TSC2: variants seen among roughly 807,000 people sequenced by gnomAD.
TSC2 encodes tuberin.
TSC2 carries 29 observed loss-of-function variants against 202.2 expected under a neutral mutation model. That is an observed-to-expected ratio of 0.14 (90% CI 0.11 to 0.20). The LOEUF (loss-of-function observed/expected upper bound fraction) is 0.20. Ranked by LOEUF, TSC2 falls within the 10% of genes least tolerant of loss-of-function variation. The pLI, the probability that TSC2 is intolerant of heterozygous loss-of-function variation, is 1.00. For missense variants in TSC2, 2,429 were observed against 2,420.0 expected (o/e 1.00, Z -0.08); for synonymous variants, 1,349 against 1,044.0 (o/e 1.29, Z -5.63).
intron 29 of TSC2, 74 bp from the exon 30 acceptor site, chr16:2,080,091 G>A (rs1479115161): frequency 6.3e-7 from 1 of 1,590,230 alleles, no homozygotes; most frequent in African/African-American, 1.3e-5. Context: ...AGGCTCGGGG[G>A]GAGCATTCAG....
Position 2,086,221 on chromosome 16 carries a change from A to G in TSC2, c.4691A>G (p.Asn1564Ser), listed in dbSNP as rs876659806. 10 of 1,612,590 alleles carry G rather than the reference A, an allele frequency of 6.2e-6. No homozygotes were observed. The highest frequency in any genetic ancestry group is 1.7e-5 in the Admixed American group (1 of 60,012). Residue 1564 changes from asparagine to serine, a missense_variant, in exon 37 of 42, where the codon AAT (asparagine) becomes AGT (serine). Transcript: ENST00000219476. ...AACAGCGAGCTCGCCATCCTGTCCAATGAGCATGGCTCCTACAGGTACACG... is the reference window on the plus strand; with the variant it reads ...AACAGCGAGCTCGCCATCCTGTCCAGTGAGCATGGCTCCTACAGGTACACG... ...QSNSELAILS[N>S]EHGSYRYTEF...
Position 2,088,881 on chromosome 16 carries a change from G to GCACA in TSC2, c.*286_*289dup, listed in dbSNP as rs56279647. 2,423 of 421,316 alleles carry GCACA rather than the reference G, an allele frequency of 5.8e-3. 7 individuals are homozygous for GCACA. The highest frequency in any genetic ancestry group is 0.015 in the East Asian group (350 of 23,816). The allele number at this position is 421,316 out of a possible 1,614,324, so 26.1% of individuals were successfully genotyped here. A position where few individuals can be genotyped will look rare whatever the true frequency, so the allele number is the denominator to read the frequency against. Reference sequence around the variant, plus strand: ...ACAGCACACTCGCGCGTGCGCGCGCGCACACACACACACACACAGTCACCT... The same window carrying GCACA: ...ACAGCACACTCGCGCGTGCGCGCGCGCACACACACACACACACACACAGTCACCT... On this transcript the variant is annotated 3_prime_UTR_variant, in exon 42 of 42. Coordinates refer to ENST00000219476, the MANE Select transcript of TSC2 (RefSeq NM_000548.5).
chr16:2,077,468 T>C lies in TSC2; in HGVS notation c.2838-130T>C, dbSNP rs2089551217. Reference sequence around the variant, plus strand: ...TTTGGCATGGCTCTTTTTGCTCATCTCACCCGCGGGATCTCTCCATCCTGA... The same window carrying C: ...TTTGGCATGGCTCTTTTTGCTCATCCCACCCGCGGGATCTCTCCATCCTGA... On this transcript the variant is annotated intron_variant, in intron 25 of 41. Coordinates refer to ENST00000219476, the MANE Select transcript of TSC2 (RefSeq NM_000548.5). 3 of 1,403,926 alleles carry C rather than the reference T, an allele frequency of 2.1e-6. No individual in the cohort carries two copies. The African/African-American group carries it at 4.3e-5, about 20-fold the overall frequency. The allele number at this position is 1,403,926 out of a possible 1,614,324, so 87.0% of individuals were successfully genotyped here. A position where few individuals can be genotyped will look rare whatever the true frequency, so the allele number is the denominator to read the frequency against.
chr16:2,079,780 G>C lies in TSC2; in HGVS notation c.3397+111G>C. 8 of 1,121,194 alleles carry C rather than the reference G, an allele frequency of 7.1e-6. No individual in the cohort carries two copies. Among genetic ancestry groups the C allele is most frequent in the Non-Finnish European group, 1.0e-5 (8 of 796,988 alleles). The allele number at this position is 1,121,194 out of a possible 1,614,324, so 69.5% of individuals were successfully genotyped here. A position where few individuals can be genotyped will look rare whatever the true frequency, so the allele number is the denominator to read the frequency against. ...CCAGGGGCCGGGGTGGCTGGCTTCAGGCCCGGCCCACGTCCTGACTCTGGG... is the reference window on the plus strand; with the variant it reads ...CCAGGGGCCGGGGTGGCTGGCTTCACGCCCGGCCCACGTCCTGACTCTGGG... On this transcript the variant is annotated intron_variant, in intron 29 of 41. Coordinates refer to ENST00000219476, the MANE Select transcript of TSC2 (RefSeq NM_000548.5). The surrounding 1 kb of genome is among the most constrained non-coding windows in gnomAD (Gnocchi z 4.6).
At chr16:2,077,807 T>C (rs2089614209) in intron 26 of TSC2, 81 bp downstream of exon 26, 1 of 1,594,096 alleles carries the variant, frequency 6.3e-7, no homozygotes, top group Non-Finnish European at 8.5e-7. Flanking sequence ...TGGGGCTGCT[T>C]GCATGACCTC....
chr16:2,048,193 G>A (rs1374735231), intron 1 of TSC2, 128 bp downstream of exon 1: 8 of 1,533,330 alleles, frequency 5.2e-6, no homozygotes, highest in African/African-American at 1.4e-5. Flanking sequence ...GGAGCTCCGA[G>A]CATCCCTTAG....
At chr16:2,048,328 A>G in intron 1 of TSC2, 3 of 946,444 alleles carry the variant, frequency 3.2e-6, no homozygotes, top group Non-Finnish European at 5.0e-6. Flanking sequence ...CGGCAGTCCT[A>G]ACCCGTGCAC....
intron 5 of TSC2, 150 bp from the exon 6 acceptor site, chr16:2,055,252 C>T: frequency 1.4e-6 from 1 of 736,948 alleles, no homozygotes; most frequent in East Asian, 2.5e-5. Context: ...TCTTCGGGCC[C>T]AGTGCGTGGT....
At chr16:2,070,788 A>G (rs577012212) in intron 17 of TSC2, among the ~76,000 whole-genome samples, 1 of 152,290 alleles carries the variant, frequency 6.6e-6, no homozygotes, top group South Asian at 2.1e-4. Context: ...TTGTCGCTCT[A>G]AGCCGCACGG....
At chr16:2,058,992 C>T (rs370215893) in intron 10 of TSC2, 119 bp downstream of exon 10, 16 of 1,497,100 alleles carry the variant, frequency 1.1e-5, no homozygotes, top group East Asian at 9.6e-5. Context: ...TAGGCCTTTC[C>T]AGGCAGTTGC....
intron 15 of TSC2, 48 bp downstream of exon 15, chr16:2,064,475 G>A (rs766699464): frequency 1.1e-5 from 18 of 1,610,662 alleles, no homozygotes; most frequent in Middle Eastern, 2.0e-4. Flanking sequence ...CCAGAGCTCC[G>A]TGGGCAGCAA....
chr16:2,079,782 C>A lies in TSC2; in HGVS notation c.3397+113C>A. The stretch of plus-strand genomic sequence containing the variant: ...AGGGGCCGGGGTGGCTGGCTTCAGG[C>A]CCGGCCCACGTCCTGACTCTGGGGT... On this transcript the variant is annotated intron_variant, in intron 29 of 41. Coordinates refer to ENST00000219476, the MANE Select transcript of TSC2 (RefSeq NM_000548.5). The surrounding 1 kb of genome is among the most constrained non-coding windows in gnomAD (Gnocchi z 4.6). 2 of 1,084,274 alleles carry A rather than the reference C, an allele frequency of 1.8e-6. No individual in the cohort carries two copies. The highest frequency in any genetic ancestry group is 1.6e-5 in the African/African-American group (1 of 63,742). 67.2% of individuals were successfully genotyped at this position (1,084,274 alleles called of 1,614,324 possible).
At chr16:2,081,210 GCC>G in intron 30 of TSC2, 1 of 355,316 alleles carries the variant, frequency 2.8e-6, no homozygotes, top group Non-Finnish European at 5.5e-6. Flanking sequence ...GGCAGAGGGA[GCC>G]CCCGCAGAGG....
chr16:2,077,261 G>A lies in TSC2; in HGVS notation c.2838-337G>A, dbSNP rs2089523222. ...GCTGGGCGGTGCCTGCCTTCCGCGG[G>A]TGGGTGGGATTGCCTGGCCAGCACA... On this transcript the variant is annotated intron_variant, in intron 25 of 41. Transcript: ENST00000219476. 2.1e-5 allele frequency: 8 copies of A among 377,486 alleles called. No homozygotes were observed. In the Admixed American group the frequency reaches 2.7e-4, roughly 13 times the overall value. The allele number at this position is 377,486 out of a possible 1,614,324, so 23.4% of individuals were successfully genotyped here. A position where few individuals can be genotyped will look rare whatever the true frequency, so the allele number is the denominator to read the frequency against.
In TSC2 at chr16:2,056,906, T is replaced by C. The variant is rs1007303278; in HGVS notation, c.774+137T>C. On this transcript the variant is annotated intron_variant, in intron 8 of 41. Transcript: ENST00000219476. ...CTGTTGAGGGACGGCCAGTGTCATT[T>C]TCCCAGGCAGTTGAGCTGAGGTCAG... 6 of 1,491,810 alleles carry C rather than the reference T, an allele frequency of 4.0e-6. No homozygotes were observed. In the Admixed American group the frequency reaches 6.8e-5, roughly 17 times the overall value. The allele number at this position is 1,491,810 out of a possible 1,614,324, so 92.4% of individuals were successfully genotyped here.
At chr16:2,080,536 C>T (rs776706562) in intron 30 of TSC2, 159 bp downstream of exon 30, 116 of 809,174 alleles carry the variant, frequency 1.4e-4, no homozygotes, top group Middle Eastern at 3.8e-4. Context: ...CACGCTGGAA[C>T]GCAGTGGCGC....
In TSC2 at chr16:2,079,421, G is replaced by A. The variant is rs1182829976; in HGVS notation, c.3277G>A (p.Glu1093Lys). Residue 1093 changes from glutamate (E) to lysine (K), a missense_variant, in exon 28 of 42, where the codon GAG becomes AAG. By Grantham distance (56) the Glu-to-Lys change is moderately conservative. Coordinates refer to ENST00000219476, the MANE Select transcript of TSC2 (RefSeq NM_000548.5). The surrounding 1 kb of genome is among the most constrained non-coding windows in gnomAD (Gnocchi z 4.6). ...LDSGELQSGPESSSSPGVHVR... is the reference protein window; with the variant it reads ...LDSGELQSGPKSSSSPGVHVR... ...CTCGGGGGAGCTGCAGTCCGGCCCG[G>A]AGTCGAGGTGACTGCACCTTCCTTT... The A allele has an allele frequency of 1.9e-6, 3 of 1,612,666 alleles. No homozygotes were observed. The highest frequency in any genetic ancestry group is 2.5e-6 in the Non-Finnish European group (3 of 1,180,010).
Position 2,053,414 on chromosome 16 carries a change from G to A in TSC2, c.298G>A (p.Ala100Thr), listed in dbSNP as rs369314296. Residue 100 changes from alanine to threonine, a missense_variant, in exon 4 of 42, where the codon GCG (alanine) becomes ACG (threonine). Coordinates refer to ENST00000219476, the MANE Select transcript of TSC2 (RefSeq NM_000548.5). ...QPERPLEARH[A>T]VLALLKAIVQ... ...GGAGCGGCCGCTGGAGGCCCGGCAC[G>A]CGGTGCTGGCTCTGCTGAAGGCCAT... 6.3e-6 allele frequency: 10 copies of A among 1,585,924 alleles called. No individual in the cohort carries two copies. Among genetic ancestry groups the A allele is most frequent in the South Asian group, 3.5e-5 (3 of 86,760 alleles).
intron 33 of TSC2, 83 bp downstream of exon 33, chr16:2,083,899 C>T (rs1343389440): frequency 1.5e-5 from 23 of 1,523,952 alleles, no homozygotes; most frequent in Non-Finnish European, 1.8e-5. Flanking sequence ...TGTGCCTGCA[C>T]CCTGGGAACT....
Sources: gnomAD v4.1 joint callset for allele counts (sites outside exome capture counted in the v4.1 genomes callset) on GRCh38, gnomAD v4.1.1 for gene constraint, Gnocchi (gnomAD v3.1) non-coding constraint, MANE v1.5 for transcripts, NCBI Gene and HGNC (gene_info 2026-07-23, HGNC 2026-07-21) for gene names.